IGSF11: variants seen among roughly 807,000 people sequenced by gnomAD.
The protein encoded by IGSF11 is immunoglobulin superfamily member 11.
A neutral mutation model predicts 41.0 loss-of-function variants in IGSF11; 22 were observed. The ratio of observed to expected loss-of-function variants is 0.54; its 90% confidence interval spans 0.38 to 0.77. The LOEUF is 0.77. Among genes scored for constraint, IGSF11 ranks in the 30% least tolerant of loss-of-function variants. The pLI, the probability that IGSF11 is intolerant of heterozygous loss-of-function variation, is 0.00. For synonymous variants in IGSF11, 219 were observed against 201.3 expected, an observed-to-expected ratio of 1.09 and a Z score of -0.74; for missense variants, 444 against 530.8, an observed-to-expected ratio of 0.84 and a Z score of 1.61.
intron 1 of IGSF11, among the ~76,000 whole-genome samples, chr3:119,020,967 A>G (rs1939226391): frequency 6.6e-6 from 1 of 152,194 alleles, no homozygotes; most frequent in Non-Finnish European, 1.5e-5. Flanking sequence ...TCTCTTTATA[A>G]CTCACAGTGG....
chr3:118,999,959 G>T (rs186547233), intron 1 of IGSF11, among the ~76,000 whole-genome samples: 1 of 151,760 alleles, frequency 6.6e-6, no homozygotes, highest in Non-Finnish European at 1.5e-5. Context: ...AAAATGGTTG[G>T]CTTCTCAATT....
intron 1 of IGSF11, among the ~76,000 whole-genome samples, chr3:119,089,568 G>T (rs901336278): frequency 1.3e-5 from 2 of 152,202 alleles, no homozygotes; most frequent in African/African-American, 4.8e-5. Flanking sequence ...AGTACTGGAA[G>T]TCCTAGCCAG....
intron 1 of IGSF11, among the ~76,000 whole-genome samples, chr3:119,058,565 G>A (rs1472168477): frequency 6.6e-6 from 1 of 152,210 alleles, no homozygotes; most frequent in East Asian, 1.9e-4. Context: ...AGTCAGTGTG[G>A]CGATTCCTCA....
At chr3:119,012,921 C>A (rs1391621959) in intron 1 of IGSF11, 1 of 152,336 alleles carries the variant, frequency 6.6e-6, no homozygotes, top group East Asian at 1.9e-4. Context: ...AGCCTTCCCA[C>A]TGCTCAACGG....
intron 1 of IGSF11, among the ~76,000 whole-genome samples, chr3:119,003,447 T>C (rs1017377558): frequency 6.6e-6 from 1 of 150,824 alleles, no homozygotes; most frequent in Non-Finnish European, 1.5e-5. Flanking sequence ...CCTCTTTTCC[T>C]AATTGAATAC....
intron 1 of IGSF11, among the ~76,000 whole-genome samples, chr3:118,958,404 C>G (rs1376723822): frequency 1.3e-5 from 2 of 152,140 alleles, no homozygotes; most frequent in Non-Finnish European, 2.9e-5. Flanking sequence ...TATTTTGTAA[C>G]TAAATTTGTT....
intron 1 of IGSF11, among the ~76,000 whole-genome samples, chr3:119,053,556 G>A (rs251445): frequency 0.38 from 57,649 of 152,076 alleles, 12,470 homozygotes; most frequent in Non-Finnish European, 0.49. Flanking sequence ...GCTCATGGAT[G>A]GGTAGAATCA....
chr3:118,989,373 G>C (rs569322113), intron 1 of IGSF11, among the ~76,000 whole-genome samples: 19 of 147,864 alleles, frequency 1.3e-4, no homozygotes, highest in African/African-American at 4.5e-4. Flanking sequence ...TTTTTTTTGA[G>C]ACTGAGTCTC....
At chr3:119,133,028 G>A (rs1323983593) in intron 1 of IGSF11, among the ~76,000 whole-genome samples, 2 of 152,100 alleles carry the variant, frequency 1.3e-5, no homozygotes, top group South Asian at 2.1e-4. Flanking sequence ...TGAGAACAAC[G>A]ACATAACATA....
At chr3:118,971,620 T>C (rs1182294798) in intron 1 of IGSF11, among the ~76,000 whole-genome samples, 1 of 152,004 alleles carries the variant, frequency 6.6e-6, no homozygotes, top group Non-Finnish European at 1.5e-5. Flanking sequence ...CTGACCAAGA[T>C]GGTGAAACCC....
At position 119,114,473 on chromosome 3, in the gene IGSF11, G is replaced by T. The variant is rs181626576; in HGVS notation, c.-13-9268C>A. 3.7e-3 allele frequency among the ~76,000 whole-genome samples: 569 copies of T among 152,302 alleles called. 6 individuals are homozygous for T. The highest frequency in any genetic ancestry group is 0.031 in the South Asian group (152 of 4,828). ...TCCTTCTCAAGGTCAAAGTTCCACA[G>T]ATCCCTAGGGCAGAGGCACAATGCC... is the stretch of plus-strand genomic sequence containing the variant. On this transcript the variant is annotated intron_variant, in intron 1 of 7. Transcript: ENST00000425327.
chr3:119,109,993 G>T (rs538874534), upstream of IGSF11, among the ~76,000 whole-genome samples: 12 of 152,306 alleles, frequency 7.9e-5, no homozygotes, highest in Admixed American at 7.2e-4. Context: ...ATTTGTTGAG[G>T]AGAGCTTTAC....
chr3:119,017,040 A>C (rs199606791), intron 1 of IGSF11, among the ~76,000 whole-genome samples: 814 of 55,962 alleles, frequency 0.015, 6 homozygotes, highest in African/African-American at 0.11. Context: ...GACGCAGGAC[A>C]AAAAAAAAAA....
rs150409992 is a variant in IGSF11, at chr3:119,133,877, T to C, written c.-14+11936A>G. 1.7e-4 allele frequency among the ~76,000 whole-genome samples: 26 copies of C among 152,292 alleles called. No individual in the cohort carries two copies. The East Asian group carries it at 4.6e-3, about 27-fold the overall frequency. ...ACATCAAAAAGTCTATCCACCATGA[T>C]CAAGTTGGCTTCACCCCTGGGATGC... On this transcript the variant is annotated intron_variant, in intron 1 of 7. Transcript: ENST00000425327.
At chr3:119,077,519 A>G (rs576740217) in intron 1 of IGSF11, among the ~76,000 whole-genome samples, 11 of 152,120 alleles carry the variant, frequency 7.2e-5, no homozygotes, top group Non-Finnish European at 1.5e-4. Context: ...CCAAGCATCA[A>G]AGGAATATAC....
chr3:119,012,859 T>C (rs1938288983), intron 1 of IGSF11: 1 of 152,262 alleles, frequency 6.6e-6, no homozygotes, highest in African/African-American at 2.4e-5. Context: ...TAAAGTCAAA[T>C]TGCTAAAAAA....
intron 4 of IGSF11, among the ~76,000 whole-genome samples, chr3:118,917,110 G>T (rs1191658827): frequency 6.6e-6 from 1 of 151,854 alleles, no homozygotes; most frequent in African/African-American, 2.4e-5. Flanking sequence ...TCAAAGCAGT[G>T]TGTAGAGGGA....
intron 1 of IGSF11, among the ~76,000 whole-genome samples, chr3:119,119,016 G>C (rs1402415275): frequency 6.6e-6 from 1 of 152,174 alleles, no homozygotes; most frequent in Non-Finnish European, 1.5e-5. Context: ...TTTAGTCAAA[G>C]CCATTCAACA....
intron 4 of IGSF11, among the ~76,000 whole-genome samples, chr3:118,916,850 G>A (rs923338958): frequency 6.6e-6 from 1 of 151,408 alleles, no homozygotes; most frequent in Non-Finnish European, 1.5e-5. Context: ...TGACCACATA[G>A]TTGGAAGTAA....
Sources: gnomAD v4.1 joint callset for allele counts (sites outside exome capture counted in the v4.1 genomes callset) on GRCh38, gnomAD v4.1.1 for gene constraint, MANE v1.5 for transcripts, NCBI Gene and HGNC (gene_info 2026-07-23, HGNC 2026-07-21) for gene names.